Variants in KAT2B observed in about 807,000 individuals in gnomAD.
The protein encoded by KAT2B is histone acetyltransferase KAT2B.
KAT2B carries 36 observed loss-of-function variants against 105.9 expected under a neutral mutation model. The observed-to-expected ratio is 0.34, with a 90% CI of 0.26 to 0.45. The LOEUF is 0.45. Among genes scored for constraint, KAT2B ranks in the 20% least tolerant of loss-of-function variants. The probability of loss-of-function intolerance (pLI) is 1.00; values close to 1 mark genes in which losing one functional copy is unlikely to be tolerated. For synonymous variants in KAT2B, 397 were observed against 377.9 expected (o/e 1.05, Z -0.59); for missense variants, 820 against 1,021.6 (o/e 0.80, Z 2.69).
At chr3:20,053,445 G>A (rs1697949566) in intron 1 of KAT2B, among the ~76,000 whole-genome samples, 1 of 152,188 alleles carries the variant, frequency 6.6e-6, no homozygotes, top group Admixed American at 6.5e-5. Context: ...TGAAGCAGGA[G>A]GATCACTTGA....
intron 3 of KAT2B, among the ~76,000 whole-genome samples, chr3:20,096,705 T>C (rs1031844004): frequency 6.6e-6 from 1 of 152,166 alleles, no homozygotes; most frequent in African/African-American, 2.4e-5. Context: ...TTCCCTCTTT[T>C]GCTTTGGCTG....
intron 5 of KAT2B, among the ~76,000 whole-genome samples, chr3:20,108,932 T>G (rs1291221065): frequency 6.6e-6 from 1 of 152,168 alleles, no homozygotes; most frequent in African/African-American, 2.4e-5. Flanking sequence ...AAACCATCCC[T>G]TCTACCCCCA....
At chr3:20,107,228 A>C (rs1485826087) in intron 5 of KAT2B, among the ~76,000 whole-genome samples, 3 of 147,412 alleles carry the variant, frequency 2.0e-5, no homozygotes, top group Non-Finnish European at 4.5e-5. Context: ...ACGGCGTTTC[A>C]CCATGTTGGC....
At chr3:20,074,423 A>T (rs905746123) in intron 2 of KAT2B, among the ~76,000 whole-genome samples, 1 of 152,090 alleles carries the variant, frequency 6.6e-6, no homozygotes, top group Non-Finnish European at 1.5e-5. Flanking sequence ...AGTTTTTTCA[A>T]CTCTGAAATG....
intron 2 of KAT2B, among the ~76,000 whole-genome samples, chr3:20,089,898 A>G (rs866599569): frequency 3.9e-5 from 6 of 152,034 alleles, no homozygotes; most frequent in Middle Eastern, 6.8e-3. Context: ...TGTAATCCCA[A>G]TGCTTTAGGA....
chr3:20,152,614 G>A lies in KAT2B; in HGVS notation c.*89G>A, dbSNP rs977273632. The A allele has an allele frequency of 1.2e-4, 114 of 984,304 alleles. No homozygotes were observed. The highest frequency in any genetic ancestry group is 2.3e-4 in the African/African-American group (14 of 61,188). 61.0% of individuals were successfully genotyped at this position (984,304 alleles called of 1,614,324 possible). On this transcript the variant is annotated 3_prime_UTR_variant, in exon 18 of 18. Transcript: ENST00000263754. ...TTTTTTACAAAGAATTGGACATGAT[G>A]TATTGAAGAGACTTGTAAATGTAAT... is the stretch of plus-strand genomic sequence containing the variant.
rs201397595 is a variant in KAT2B, at chr3:20,101,430, C to A, written c.813C>A (p.Pro271=). The A allele has an allele frequency of 3.7e-6, 6 of 1,614,002 alleles. No homozygotes were observed. In the East Asian group the frequency reaches 1.3e-4, roughly 36 times the overall value. The change falls in exon 5 of 18, where the codon CCC becomes CCA. Residue 271 remains proline (P), a synonymous_variant. Coordinates refer to ENST00000263754, the MANE Select transcript of KAT2B (RefSeq NM_003884.5). ...CATCTCAACGAAGACTGCGATCTCC[C>A]AATGATGATATTTCTGGATACAAAG... ...EAPSQRRLRS[P]NDDISGYKEN...
At chr3:20,106,961 GTATA>G (rs60656536) in intron 5 of KAT2B, among the ~76,000 whole-genome samples, 1 of 69,968 alleles carries the variant, frequency 1.4e-5, no homozygotes, top group Non-Finnish European at 2.6e-5. Context: ...AATTTTATGT[GTATA>G]TATATATATA....
chr3:20,113,366 A>G (rs1279557322), intron 6 of KAT2B, among the ~76,000 whole-genome samples: 3 of 152,216 alleles, frequency 2.0e-5, no homozygotes, highest in Admixed American at 6.5e-5. Context: ...AACACCTGTT[A>G]TGGTATTTAA....
chr3:20,085,516 T>C (rs1022280128), intron 2 of KAT2B, among the ~76,000 whole-genome samples: 2 of 151,502 alleles, frequency 1.3e-5, no homozygotes, highest in African/African-American at 4.8e-5. Context: ...TCTTTCTTTT[T>C]TTTTTTTTTT....
intron 1 of KAT2B, among the ~76,000 whole-genome samples, chr3:20,058,865 A>G (rs1437736397): frequency 6.6e-6 from 1 of 152,208 alleles, no homozygotes; most frequent in Non-Finnish European, 1.5e-5. Context: ...TTATCTCTTC[A>G]AATCTTGGCT....
chr3:20,114,863 C>A lies in KAT2B; in HGVS notation c.1044-19C>A. The A allele has an allele frequency of 1.5e-6, 2 of 1,356,404 alleles. No individual in the cohort carries two copies. Among genetic ancestry groups the A allele is most frequent in the Non-Finnish European group, 2.1e-6 (2 of 952,136 alleles). 84.0% of individuals were successfully genotyped at this position (1,356,404 alleles called of 1,614,324 possible). A position where few individuals can be genotyped will look rare whatever the true frequency, so the allele number is the denominator to read the frequency against. On this transcript the variant is annotated intron_variant, in intron 6 of 17. Transcript: ENST00000263754. ...CAGTAGTTTTTTTTTAATCTTATTGCTATTACTCTTGTGTCTAGATTTCTG... is the reference window on the plus strand; with the variant it reads ...CAGTAGTTTTTTTTTAATCTTATTGATATTACTCTTGTGTCTAGATTTCTG...
At chr3:20,094,271 G>T (rs967319142) in intron 2 of KAT2B, among the ~76,000 whole-genome samples, 1 of 152,082 alleles carries the variant, frequency 6.6e-6, no homozygotes, top group African/African-American at 2.4e-5. Context: ...GAGAGCGAGC[G>T]AGCGAGGAGG....
intron 7 of KAT2B, among the ~76,000 whole-genome samples, chr3:20,118,364 G>A (rs995649742): frequency 1.4e-5 from 2 of 147,566 alleles, no homozygotes; most frequent in East Asian, 2.0e-4. Flanking sequence ...GTGTGTATGT[G>A]TGTGTATATG....
intron 11 of KAT2B, among the ~76,000 whole-genome samples, chr3:20,134,434 G>C (rs1292532683): frequency 6.7e-6 from 1 of 149,896 alleles, no homozygotes; most frequent in African/African-American, 2.6e-5. Flanking sequence ...GTCTCGCTCT[G>C]TCGCCAGGCT....
At chr3:20,121,827 A>G (rs896797045) in intron 8 of KAT2B, among the ~76,000 whole-genome samples, 4 of 151,122 alleles carry the variant, frequency 2.6e-5, no homozygotes, top group Non-Finnish European at 5.9e-5. Flanking sequence ...GGGTAGACTC[A>G]TGAACAAGCC....
rs145660242 is a variant in KAT2B, at chr3:20,061,347, ATACTACGTTT to A, written c.304-10981_304-10972del. Among the ~76,000 whole-genome samples the A allele has an allele frequency of 4.7e-3, 723 of 152,264 alleles. 2 individuals carry two copies. Among genetic ancestry groups the A allele is most frequent in the African/African-American group, 0.015 (621 of 41,536 alleles). On this transcript the variant is annotated intron_variant, in intron 1 of 17. Coordinates refer to ENST00000263754, the MANE Select transcript of KAT2B (RefSeq NM_003884.5). ...TTATATAATAGCCCTTTGAATGTATATACTACGTTTTACTTATTTATTCATCTCTTAAGGG... is the reference window on the plus strand; with the variant it reads ...TTATATAATAGCCCTTTGAATGTATATACTTATTTATTCATCTCTTAAGGG...
At chr3:20,065,747 T>C (rs1446138317) in intron 1 of KAT2B, among the ~76,000 whole-genome samples, 2 of 148,876 alleles carry the variant, frequency 1.3e-5, no homozygotes, top group Non-Finnish European at 3.0e-5. Context: ...CAAGGGATTC[T>C]CATATATATC....
At chr3:20,116,429 A>C (rs1012523359) in intron 7 of KAT2B, among the ~76,000 whole-genome samples, 2 of 152,172 alleles carry the variant, frequency 1.3e-5, no homozygotes, top group African/African-American at 4.8e-5. Flanking sequence ...ACATGGCAGC[A>C]CAATGGAATC....
Sources: gnomAD v4.1 joint callset for allele counts (sites outside exome capture counted in the v4.1 genomes callset) on GRCh38, gnomAD v4.1.1 for gene constraint, MANE v1.5 for transcripts, NCBI Gene and HGNC (gene_info 2026-07-23, HGNC 2026-07-21) for gene names.